The following WWOX variants were observed in gnomAD, a reference collection of about 807,000 sequenced individuals.
WWOX encodes the protein WW domain-containing oxidoreductase.
In WWOX, 69 loss-of-function variants were observed where a neutral mutation model predicts 46.2. That is an observed-to-expected ratio of 1.49 (90% CI 1.23 to 1.82). The LOEUF (loss-of-function observed/expected upper bound fraction) is 1.82, where lower values mean the gene tolerates loss of function less well. WWOX is among the 40% of genes most tolerant of loss of function. WWOX has a pLI of 0.00. For missense variants in WWOX, 919 were observed against 542.6 expected, an observed-to-expected ratio of 1.69 and a Z score of -6.89; for synonymous variants, 359 against 202.6, an observed-to-expected ratio of 1.77 and a Z score of -6.56.
At chr16:79,006,889 A>G (rs2047201546) in intron 8 of WWOX, among the ~76,000 whole-genome samples, 1 of 152,020 alleles carries the variant, frequency 6.6e-6, no homozygotes, top group African/African-American at 2.4e-5. Flanking sequence ...GACCTTTGTG[A>G]TAGTTTTGCA....
intron 8 of WWOX, among the ~76,000 whole-genome samples, chr16:78,945,746 C>A (rs2045936578): frequency 6.6e-6 from 1 of 151,992 alleles, no homozygotes; most frequent in East Asian, 1.9e-4. Context: ...CAGGTTCCTG[C>A]AAATTGTTTT....
chr16:78,674,561 A>C (rs2142213332), intron 8 of WWOX, among the ~76,000 whole-genome samples: 1 of 152,308 alleles, frequency 6.6e-6, no homozygotes, highest in East Asian at 1.9e-4. Flanking sequence ...CTGAGATTAC[A>C]GGCTTGAGCC....
intron 5 of WWOX, among the ~76,000 whole-genome samples, chr16:78,230,131 C>T (rs559782019): frequency 4.6e-5 from 7 of 151,248 alleles, no homozygotes; most frequent in Admixed American, 1.3e-4. Context: ...CCTCCCACCT[C>T]GGCCTCCCAA....
chr16:79,127,771 C>T (rs1000630838), intron 8 of WWOX, among the ~76,000 whole-genome samples: 7 of 152,118 alleles, frequency 4.6e-5, no homozygotes, highest in South Asian at 2.1e-4. Context: ...TGACTCCATG[C>T]TTTGTAGCTG....
chr16:78,318,699 T>C (rs192079691), intron 5 of WWOX, among the ~76,000 whole-genome samples: 334 of 152,332 alleles, frequency 2.2e-3, no homozygotes, highest in African/African-American at 7.8e-3. Context: ...GTACTGTACA[T>C]ACATAATTTC....
At chr16:78,430,525 T>C (rs1302037933) in intron 7 of WWOX, among the ~76,000 whole-genome samples, 2 of 152,124 alleles carry the variant, frequency 1.3e-5, no homozygotes, top group African/African-American at 4.8e-5. Flanking sequence ...CAATACATCA[T>C]GTGCATTGCA....
chr16:78,719,931 G>A (rs1221012339), intron 8 of WWOX, among the ~76,000 whole-genome samples: 1 of 152,138 alleles, frequency 6.6e-6, no homozygotes, highest in East Asian at 1.9e-4. Flanking sequence ...TTTTAAGCAC[G>A]TTTTCACCAA....
At chr16:78,465,307 C>G (rs1401465387) in intron 8 of WWOX, among the ~76,000 whole-genome samples, 1 of 152,228 alleles carries the variant, frequency 6.6e-6, no homozygotes, top group Non-Finnish European at 1.5e-5. Flanking sequence ...GCCTTCTTTA[C>G]CATTTCTGAA....
chr16:78,883,760 G>A (rs1027703314), intron 8 of WWOX, among the ~76,000 whole-genome samples: 4 of 151,820 alleles, frequency 2.6e-5, no homozygotes, highest in South Asian at 2.1e-4. Context: ...TGCAATAAGC[G>A]TACCATGGTC....
At chr16:78,571,272 T>G (rs973102840) in intron 8 of WWOX, among the ~76,000 whole-genome samples, 5 of 152,238 alleles carry the variant, frequency 3.3e-5, no homozygotes, top group Admixed American at 3.3e-4. Context: ...AGTAATGGTT[T>G]AGAAAGGTAA....
intron 8 of WWOX, among the ~76,000 whole-genome samples, chr16:78,831,853 C>T (rs8051656): frequency 0.26 from 39,643 of 152,010 alleles, 5,447 homozygotes; most frequent in Non-Finnish European, 0.29. Context: ...TTAGGAGACA[C>T]AGGGGAGGAA....
At chr16:78,179,413 T>G (rs2035456127) in intron 5 of WWOX, among the ~76,000 whole-genome samples, 1 of 152,168 alleles carries the variant, frequency 6.6e-6, no homozygotes, top group Non-Finnish European at 1.5e-5. Flanking sequence ...CAACTTAACT[T>G]TCCCCACTTG....
intron 7 of WWOX, among the ~76,000 whole-genome samples, chr16:78,426,385 C>G (rs2083078368): frequency 6.6e-6 from 1 of 152,180 alleles, no homozygotes; most frequent in Non-Finnish European, 1.5e-5. Flanking sequence ...GTCGAATTGT[C>G]AGCTGCTCAC....
chr16:78,998,750 A>G (rs1010711261), intron 8 of WWOX, among the ~76,000 whole-genome samples: 1 of 152,238 alleles, frequency 6.6e-6, no homozygotes, highest in Non-Finnish European at 1.5e-5. Context: ...AGGTGGAAAC[A>G]AGCGTTGCTT....
chr16:78,619,210 T>C (rs1358435822), intron 8 of WWOX, among the ~76,000 whole-genome samples: 1 of 64,728 alleles, frequency 1.5e-5, no homozygotes, highest in African/African-American at 6.0e-5. Flanking sequence ...TATATATATA[T>C]ATATGTAGCC....
chr16:79,180,073 T>G (rs2050879954), intron 8 of WWOX, among the ~76,000 whole-genome samples: 1 of 152,178 alleles, frequency 6.6e-6, no homozygotes, highest in Non-Finnish European at 1.5e-5. Context: ...GAGATTCTAT[T>G]GTGCACTTTT....
chr16:78,406,536 A>G (rs1252291484), intron 6 of WWOX, among the ~76,000 whole-genome samples: 1 of 150,240 alleles, frequency 6.7e-6, no homozygotes. Context: ...GTATTTTAGT[A>G]GAGATGGTTT....
At chr16:78,902,016 A>T (rs144637277) in intron 8 of WWOX, among the ~76,000 whole-genome samples, 252 of 152,368 alleles carry the variant, frequency 1.7e-3, no homozygotes, top group African/African-American at 5.7e-3. Flanking sequence ...AAGGGGATGA[A>T]ATAGTGACCA....
At chr16:78,825,625 G>A in intron 8 of WWOX, 2 of 520,326 alleles carry the variant, frequency 3.8e-6, no homozygotes, top group South Asian at 3.1e-5. Context: ...ACTGTGCGGA[G>A]GGCCTGCGAT....
Sources: allele counts gnomAD v4.1 joint callset (sites outside exome capture counted in the v4.1 genomes callset), GRCh38; gene constraint gnomAD v4.1.1; transcripts MANE v1.5; gene names NCBI Gene and HGNC (gene_info 2026-07-23, HGNC 2026-07-21).